Variants in ARHGEF40 observed in about 807,000 individuals in gnomAD.
The protein encoded by ARHGEF40 is Rho guanine nucleotide exchange factor (GEF) 40.
Under a neutral mutation model 165.9 loss-of-function variants are expected in ARHGEF40, and 98 were observed. The observed-to-expected ratio is 0.59, with a 90% CI of 0.50 to 0.70. The LOEUF (loss-of-function observed/expected upper bound fraction) is 0.70, where lower values mean the gene tolerates loss of function less well. Among genes scored for constraint, ARHGEF40 ranks in the 30% least tolerant of loss-of-function variants. The pLI is 0.00. For synonymous variants in ARHGEF40, 792 were observed against 814.3 expected (o/e 0.97, Z 0.47); for missense variants, 1,815 against 1,968.0 (o/e 0.92, Z 1.47).
rs930288535 is a variant in ARHGEF40, at chr14:21,084,135, G to A, written c.3789+85G>A. 2.1e-6 allele frequency: 3 copies of A among 1,404,210 alleles called. No individual in the cohort carries two copies. The East Asian group carries it at 7.5e-5, about 35-fold the overall frequency. 87.0% of individuals were successfully genotyped at this position (1,404,210 alleles called of 1,614,324 possible). ...TGTAGGTTGGTGACAGGAGAACCAGGCTCCAGGTCAGAGGGCTCCAGGCTC... is the reference window on the plus strand; with the variant it reads ...TGTAGGTTGGTGACAGGAGAACCAGACTCCAGGTCAGAGGGCTCCAGGCTC... On this transcript the variant is annotated intron_variant, in intron 17 of 23. Coordinates refer to ENST00000298694, the MANE Select transcript of ARHGEF40 (RefSeq NM_018071.5).
chr14:21,076,436 C>T lies in ARHGEF40; in HGVS notation c.1816C>T (p.Pro606Ser). 6.2e-7 allele frequency: 1 copy of T among 1,613,962 alleles called. No homozygotes were observed. Among genetic ancestry groups the T allele is most frequent in the Non-Finnish European group, 8.5e-7 (1 of 1,180,048 alleles). Residue 606 changes from proline (P) to serine (S), a missense_variant, in exon 6 of 24, where the codon CCT (proline) becomes TCT (serine). By Grantham distance (74) the Pro-to-Ser change is moderately conservative. Transcript: ENST00000298694. ...QAPPLPPALIPALSQLQDSGD... is the reference protein window; with the variant it reads ...QAPPLPPALISALSQLQDSGD... ...ACCTCCACTGCCTCCAGCACTCATT[C>T]CTGCCTTGAGCCAACTTCAGGTAAC...
At chr14:21,078,109 C>A in intron 8 of ARHGEF40, 68 bp from the exon 9 acceptor site, 3 of 1,457,284 alleles carry the variant, frequency 2.1e-6, no homozygotes, top group Non-Finnish European at 2.8e-6. Flanking sequence ...CTACCGCACC[C>A]CAACCCTAGG....
At chr14:21,088,179 A>C (rs1888518354) in intron 22 of ARHGEF40, 81 bp downstream of exon 22, 3 of 1,477,960 alleles carry the variant, frequency 2.0e-6, no homozygotes, top group Admixed American at 4.8e-5. Context: ...ATTCAACCCC[A>C]GGGGGGTTGG....
chr14:21,075,226 G>A lies in ARHGEF40; in HGVS notation c.1450+46G>A. 7 of 1,584,920 alleles carry A rather than the reference G, an allele frequency of 4.4e-6. No individual in the cohort carries two copies. Among genetic ancestry groups the A allele is most frequent in the Non-Finnish European group, 6.0e-6 (7 of 1,166,164 alleles). On this transcript the variant is annotated intron_variant, in intron 3 of 23. Coordinates refer to ENST00000298694, the MANE Select transcript of ARHGEF40 (RefSeq NM_018071.5). The surrounding 1 kb of genome is among the most constrained non-coding windows in gnomAD (Gnocchi z 4.5). Reference sequence around the variant, plus strand: ...GCTCATGGGGCAAGGGCCAAAGCAGGTCGGGCCTATGGGAGGGGGCAGGAG... The same window carrying A: ...GCTCATGGGGCAAGGGCCAAAGCAGATCGGGCCTATGGGAGGGGGCAGGAG...
upstream of ARHGEF40, among the ~76,000 whole-genome samples, chr14:21,069,030 G>T (rs971861082): frequency 1.1e-4 from 17 of 152,362 alleles, no homozygotes; most frequent in African/African-American, 3.8e-4. Context: ...CCCTCCAGCT[G>T]CAGGGGCACA....
chr14:21,082,175 A>G (rs1887976457), intron 14 of ARHGEF40, 56 bp downstream of exon 14: 1 of 1,567,006 alleles, frequency 6.4e-7, no homozygotes, highest in Non-Finnish European at 8.7e-7. Context: ...CAGTAGGAAA[A>G]GAAGATGACA....
chr14:21,076,707 G>A, intron 7 of ARHGEF40, 64 bp downstream of exon 7: 2 of 1,608,132 alleles, frequency 1.2e-6, no homozygotes, highest in South Asian at 1.1e-5. Context: ...GAGGCTGGCT[G>A]GAGCCCCAGG....
At position 21,075,911 on chromosome 14, in the gene ARHGEF40, C is replaced by G; in HGVS notation, c.1739+146C>G. The stretch of plus-strand genomic sequence containing the variant: ...CAGACTTCAAGCCATTGACCTTTGG[C>G]CTTACTTACCCTGACCTCCAGCTTC... On this transcript the variant is annotated intron_variant, in intron 5 of 23. Coordinates refer to ENST00000298694, the MANE Select transcript of ARHGEF40 (RefSeq NM_018071.5). This position sits in a 1 kb window ranked among gnomAD's most constrained non-coding sequence, Gnocchi z 4.5. The G allele has an allele frequency of 2.0e-6, 2 of 1,017,038 alleles. No homozygotes were observed. The highest frequency in any genetic ancestry group is 1.6e-5 in the African/African-American group (1 of 61,660). The allele number at this position is 1,017,038 out of a possible 1,614,324, so 63.0% of individuals were successfully genotyped here.
chr14:21,087,037 G>C lies in ARHGEF40; in HGVS notation c.4175G>C (p.Gly1392Ala). The change falls in exon 20 of 24, where the codon GGG becomes GCG. Residue 1392 changes from glycine (G) to alanine (A), a missense_variant. Gly to Ala is a moderately conservative substitution (Grantham distance 60). Transcript: ENST00000298694. Reference protein sequence around the residue: ...RVQQMVSMGIGNKPFLDIKAL... With the variant: ...RVQQMVSMGIANKPFLDIKAL... ...CAGCAGATGGTGTCCATGGGCATTG[G>C]GAATAAACCCTTCCTGGACATCAAA... 2 of 1,605,356 alleles carry C rather than the reference G, an allele frequency of 1.2e-6. No individual in the cohort carries two copies. The highest frequency in any genetic ancestry group is 1.7e-6 in the Non-Finnish European group (2 of 1,175,760).
At position 21,081,776 on chromosome 14, in the gene ARHGEF40, G is replaced by C. The variant is rs1440002905; in HGVS notation, c.2908G>C (p.Ala970Pro). 3.8e-6 allele frequency: 6 copies of C among 1,592,558 alleles called. No individual in the cohort carries two copies. The highest frequency in any genetic ancestry group is 5.1e-6 in the Non-Finnish European group (6 of 1,170,546). The change falls in exon 14 of 24, where the codon GCA becomes CCA. Residue 970 changes from alanine to proline, a missense_variant. Coordinates refer to ENST00000298694, the MANE Select transcript of ARHGEF40 (RefSeq NM_018071.5). ...CCCACGGGGCTACCGACGACGGCGG[G>C]CAGACGGTGCCAGCAGTGGAGGGGC... ...ASPRGYRRRR[A>P]DGASSGGAQW...
chr14:21,079,685 A>AG (rs1491198525), intron 11 of ARHGEF40, among the ~76,000 whole-genome samples: 1 of 152,202 alleles, frequency 6.6e-6, no homozygotes, highest in Non-Finnish European at 1.5e-5. Flanking sequence ...CGTGGGCATC[A>AG]GGGGAAAGGT....
In ARHGEF40 at chr14:21,075,274, G is replaced by A; in HGVS notation, c.1451-58G>A. Reference sequence around the variant, plus strand: ...GAGGAGGAGCAGGGTTAGGCTGGGAGCAGAACAACCAGAACCATCTTAACT... The same window carrying A: ...GAGGAGGAGCAGGGTTAGGCTGGGAACAGAACAACCAGAACCATCTTAACT... On this transcript the variant is annotated intron_variant, in intron 3 of 23. Transcript: ENST00000298694. The surrounding 1 kb of genome is among the most constrained non-coding windows in gnomAD (Gnocchi z 4.5). 6.2e-7 allele frequency: 1 copy of A among 1,602,308 alleles called. No homozygotes were observed.
At chr14:21,087,895 A>G (rs1358669575) in intron 21 of ARHGEF40, 73 bp from the exon 22 acceptor site, 8 of 1,601,048 alleles carry the variant, frequency 5.0e-6, no homozygotes, top group Middle Eastern at 3.3e-4. Flanking sequence ...TTCTTCCCTG[A>G]TGGAGCAGCT....
intron 11 of ARHGEF40, among the ~76,000 whole-genome samples, chr14:21,079,516 A>C (rs1319142459): frequency 6.6e-6 from 1 of 152,156 alleles, no homozygotes; most frequent in African/African-American, 2.4e-5. Context: ...AGATTCAGGA[A>C]TAAGGCTGGC....
At chr14:21,085,516 G>A (rs1270685267) in intron 18 of ARHGEF40, among the ~76,000 whole-genome samples, 173 bp from the exon 19 acceptor site, 1 of 152,240 alleles carries the variant, frequency 6.6e-6, no homozygotes, top group Non-Finnish European at 1.5e-5. Flanking sequence ...TTCCCCTTCT[G>A]TAAATTATGT....
chr14:21,064,622 G>C, the ARHGEF40 span, among the ~76,000 whole-genome samples: 1 of 152,144 alleles, frequency 6.6e-6, no homozygotes, highest in Non-Finnish European at 1.5e-5. Context: ...TTTAACTAAA[G>C]ACAATGTAGG....
chr14:21,081,576 T>G lies in ARHGEF40; in HGVS notation c.2708T>G (p.Leu903Arg), dbSNP rs923491389. Reference sequence around the variant, plus strand: ...GCTGGGCCGGGTCGGGAGGCTGTGCTGGCTGCACTGGCCCTGCGGCGGGCC... The same window carrying G: ...GCTGGGCCGGGTCGGGAGGCTGTGCGGGCTGCACTGGCCCTGCGGCGGGCC... ...AGAGPGREAV[L>R]AALALRRAPE... The change falls in exon 14 of 24, where the codon CTG becomes CGG. Residue 903 changes from leucine to arginine, a missense_variant. Transcript: ENST00000298694. The G allele has an allele frequency of 1.2e-6, 2 of 1,612,420 alleles. No homozygotes were observed. The highest frequency in any genetic ancestry group is 2.7e-5 in the African/African-American group (2 of 75,024).
chr14:21,083,030 C>A, intron 16 of ARHGEF40, 113 bp downstream of exon 16: 1 of 887,216 alleles, frequency 1.1e-6, no homozygotes, highest in Non-Finnish European at 1.8e-6. Flanking sequence ...ACATCACCTA[C>A]CAATCATCTC....
At chr14:21,069,378 T>A (rs941955367), upstream of ARHGEF40, among the ~76,000 whole-genome samples, 1 of 152,162 alleles carries the variant, frequency 6.6e-6, no homozygotes, top group Non-Finnish European at 1.5e-5. Flanking sequence ...CGGGACTCTA[T>A]AGCCACCCCA....
Sources: gnomAD v4.1 joint callset for allele counts (sites outside exome capture counted in the v4.1 genomes callset) on GRCh38, gnomAD v4.1.1 for gene constraint, Gnocchi (gnomAD v3.1) non-coding constraint, MANE v1.5 for transcripts, NCBI Gene and HGNC (gene_info 2026-07-23, HGNC 2026-07-21) for gene names.